The following ATOX1 variants were observed in gnomAD, a reference collection of about 807,000 sequenced individuals.
The protein encoded by ATOX1 is copper transport protein ATOX1.
Under a neutral mutation model 7.3 loss-of-function variants are expected in ATOX1, and 4 were observed. The ratio of observed to expected loss-of-function variants is 0.55; its 90% CI spans 0.27 to 1.25. ATOX1 has a LOEUF of 1.25. Ranked by LOEUF, ATOX1 falls within the 50% of genes most tolerant of loss-of-function variation. The probability of loss-of-function intolerance (pLI) is 0.12; values close to 1 mark genes in which losing one functional copy is unlikely to be tolerated. For synonymous variants in ATOX1, 25 were observed against 28.7 expected (o/e 0.87, Z 0.41); for missense variants, 68 against 81.6 (o/e 0.83, Z 0.64).
chr5:151,752,240 C>G (rs1357176844), intron 1 of ATOX1: 4 of 702,442 alleles, frequency 5.7e-6, no homozygotes, highest in Non-Finnish European at 5.2e-6. Flanking sequence ...CTTGCAAAAA[C>G]TACAGGTTCT....
chr5:151,754,898 C>T (rs534401321), intron 1 of ATOX1, among the ~76,000 whole-genome samples: 10 of 150,044 alleles, frequency 6.7e-5, no homozygotes, highest in East Asian at 4.0e-4. Flanking sequence ...GCAGGAGAAT[C>T]GCTTGACCCA....
At chr5:151,752,880 C>T (rs1010693370) in intron 1 of ATOX1, among the ~76,000 whole-genome samples, 3 of 152,064 alleles carry the variant, frequency 2.0e-5, no homozygotes, top group Non-Finnish European at 2.9e-5. Context: ...TCCAAGATGG[C>T]CTCAATGATC....
At chr5:151,758,505 G>T (rs775752343) in intron 1 of ATOX1, 41 bp downstream of exon 1, 2 of 1,483,394 alleles carry the variant, frequency 1.3e-6, no homozygotes, top group East Asian at 2.7e-5. Flanking sequence ...AAGCAACCCG[G>T]GACTGCAAGT....
chr5:151,747,850 A>G (rs939331063), intron 2 of ATOX1, among the ~76,000 whole-genome samples: 3 of 152,194 alleles, frequency 2.0e-5, no homozygotes, highest in African/African-American at 7.2e-5. Flanking sequence ...TGGCCTCCCA[A>G]AGTGTTGGGA....
intron 1 of ATOX1, among the ~76,000 whole-genome samples, chr5:151,755,020 A>G (rs890856738): frequency 3.3e-5 from 5 of 151,408 alleles, no homozygotes; most frequent in African/African-American, 1.2e-4. Context: ...AAAACAAAAA[A>G]CTACAGCCAA....
chr5:151,751,279 A>T (rs1001089371), intron 2 of ATOX1, among the ~76,000 whole-genome samples: 10 of 150,000 alleles, frequency 6.7e-5, no homozygotes, highest in African/African-American at 9.8e-5. Flanking sequence ...AAAAAAAAAA[A>T]TTCAATAGAA....
chr5:151,744,151 G>A (rs1348217371), intron 3 of ATOX1: 2 of 152,196 alleles, frequency 1.3e-5, no homozygotes, highest in East Asian at 1.9e-4. Flanking sequence ...GGGATGGAGA[G>A]ATGGGTAGTG....
intron 1 of ATOX1, among the ~76,000 whole-genome samples, chr5:151,757,860 A>G (rs1762036394): frequency 1.3e-5 from 2 of 152,248 alleles, no homozygotes; most frequent in Non-Finnish European, 2.9e-5. Context: ...TATATAAAAA[A>G]CGAGGCCACG....
chr5:151,746,353 T>C lies in ATOX1; in HGVS notation c.179A>G (p.Lys60Arg), dbSNP rs1320667321. 1 of 1,613,890 alleles carries C rather than the reference T, an allele frequency of 6.2e-7. No individual in the cohort carries two copies. Among genetic ancestry groups the C allele is most frequent in the Non-Finnish European group, 8.5e-7 (1 of 1,179,818 alleles). ...CTCAAGGCCAAGGTAGGAAACAGTC[T>C]TTCCTGTTTTCTTCAGGGTTGCAAG... Reference protein sequence around the residue: ...TLLATLKKTGKTVSYLGLE With the variant: ...TLLATLKKTGRTVSYLGLE Residue 60 changes from lysine to arginine, a missense_variant, in exon 3 of 4, where the codon AAG becomes AGG. Coordinates refer to ENST00000313115, the MANE Select transcript of ATOX1 (RefSeq NM_004045.4).
At position 151,751,244 on chromosome 5, in the gene ATOX1, G is replaced by A. The variant is rs933489154; in HGVS notation, c.82+460C>T. ...GCACTCCAGGCTGAGCAAGAAGAGC[G>A]AAACTCTGTCTCAAAAAAAAAAAAA... On this transcript the variant is annotated intron_variant, in intron 2 of 3. Coordinates refer to ENST00000313115, the MANE Select transcript of ATOX1 (RefSeq NM_004045.4). Among the ~76,000 whole-genome samples, 83 of 121,198 alleles carry A rather than the reference G, an allele frequency of 6.8e-4. 1 individual carries two copies. The highest frequency in any genetic ancestry group is 3.3e-3 in the Admixed American group (33 of 10,108). The allele number at this position is 121,198 out of a possible 152,430, so 79.5% of individuals were successfully genotyped here.
In ATOX1 at chr5:151,742,848, G is replaced by T. The variant is rs1761836498; in HGVS notation, c.*158C>A. ...CCAACAAAAGCAGCTTGATTTTATTGCAGGGAAGCTAGGAAGGAATAGGAC... is the reference window on the plus strand; with the variant it reads ...CCAACAAAAGCAGCTTGATTTTATTTCAGGGAAGCTAGGAAGGAATAGGAC... On this transcript the variant is annotated 3_prime_UTR_variant, in exon 4 of 4. Coordinates refer to ENST00000313115, the MANE Select transcript of ATOX1 (RefSeq NM_004045.4). The T allele has an allele frequency of 6.6e-6, 1 of 152,346 alleles. No homozygotes were observed. Among genetic ancestry groups the T allele is most frequent in the Admixed American group, 6.5e-5 (1 of 15,276 alleles). 9.4% of individuals were successfully genotyped at this position (152,346 alleles called of 1,614,324 possible).
At chr5:151,744,850 G>A (rs1761863216) in intron 3 of ATOX1, 1 of 152,132 alleles carries the variant, frequency 6.6e-6, no homozygotes, top group African/African-American at 2.4e-5. Flanking sequence ...CTTCCCTAGA[G>A]GATAAACTTT....
chr5:151,756,648 A>G (rs1364188267), intron 1 of ATOX1, among the ~76,000 whole-genome samples: 1 of 151,762 alleles, frequency 6.6e-6, no homozygotes, highest in Non-Finnish European at 1.5e-5. Context: ...AATTTTTTGT[A>G]TTTTTTGTAG....
intron 3 of ATOX1, chr5:151,743,784 T>A (rs1183713062): frequency 6.6e-6 from 1 of 152,212 alleles, no homozygotes; most frequent in Non-Finnish European, 1.5e-5. Context: ...CTTCTCTTCC[T>A]TAATTCCTTC....
chr5:151,755,545 A>G (rs1762004382), intron 1 of ATOX1, among the ~76,000 whole-genome samples: 1 of 152,188 alleles, frequency 6.6e-6, no homozygotes, highest in Non-Finnish European at 1.5e-5. Context: ...ACACATTTTT[A>G]GGGAGCACAG....
At chr5:151,745,126 C>T (rs1761865692) in intron 3 of ATOX1, 1 of 152,158 alleles carries the variant, frequency 6.6e-6, no homozygotes, top group South Asian at 2.1e-4. Context: ...TGTGATGTTA[C>T]CACATACACA....
rs770925571 is a variant in ATOX1 at position 151,758,590 on chromosome 5, G to A, written c.-39C>T. 7 of 1,410,548 alleles carry A rather than the reference G, an allele frequency of 5.0e-6. No homozygotes were observed. The highest frequency in any genetic ancestry group is 6.5e-6 in the Non-Finnish European group (7 of 1,076,138). 87.4% of individuals were successfully genotyped at this position (1,410,548 alleles called of 1,614,324 possible). On this transcript the variant is annotated 5_prime_UTR_variant, in exon 1 of 4. Transcript: ENST00000313115. ...GCGGTGTGGCGGCGGTGTGGCGGCG[G>A]TGTCAGCAGCGCCTCTCTGGATTCG...
chr5:151,750,644 C>CTTT (rs34586233), intron 2 of ATOX1, among the ~76,000 whole-genome samples: 24 of 100,330 alleles, frequency 2.4e-4, no homozygotes, highest in African/African-American at 3.4e-4. Context: ...TTTTTTCTTT[C>CTTT]TTTTTTTTTT....
rs374713540 is a variant in ATOX1 at position 151,751,701 on chromosome 5, C to T, written c.82+3G>A. 4 of 1,602,764 alleles carry T rather than the reference C, an allele frequency of 2.5e-6. No individual in the cohort carries two copies. In the African/African-American group the frequency reaches 4.0e-5, roughly 16 times the overall value. On this transcript the variant is annotated splice_donor_region_variant and intron_variant, in intron 2 of 3. Transcript: ENST00000313115. ...TGCACCCAACTCAGGGCCACTCACT[C>T]ACCTCCAAGCTTATTGAGGACCCGA...
Sources: allele counts gnomAD v4.1 joint callset (sites outside exome capture counted in the v4.1 genomes callset), GRCh38; gene constraint gnomAD v4.1.1; transcripts MANE v1.5; gene names NCBI Gene and HGNC (gene_info 2026-07-23, HGNC 2026-07-21).